The following ADGRL4 variants were observed in gnomAD, a reference collection of about 807,000 sequenced individuals.
ADGRL4 encodes EGF, latrophilin and seven transmembrane domain containing 1.
Under a neutral mutation model 74.8 loss-of-function variants are expected in ADGRL4, and 90 were observed. That is an observed-to-expected ratio of 1.20 (90% CI 1.02 to 1.43). The LOEUF is 1.43. ADGRL4 is among the 40% of genes most tolerant of loss of function. The pLI is 0.00. For missense variants in ADGRL4, 881 were observed against 814.3 expected (o/e 1.08, Z -1.00); for synonymous variants, 311 against 279.2 (o/e 1.11, Z -1.14).
Position 78,938,284 on chromosome 1 carries a change from G to A in ADGRL4, c.397-5C>T, listed in dbSNP as rs777324048. 19 of 1,552,344 alleles carry A rather than the reference G, an allele frequency of 1.2e-5. No homozygotes were observed. Among genetic ancestry groups the A allele is most frequent in the Non-Finnish European group, 1.6e-5 (18 of 1,157,482 alleles). On this transcript the variant is annotated splice_polypyrimidine_tract_variant and splice_region_variant and intron_variant, in intron 4 of 14. Coordinates refer to ENST00000370742, the MANE Select transcript of ADGRL4 (RefSeq NM_022159.4). ...AGGTTCTTTTATGGATCTGATCTGA[G>A]AAAAAATGAGTCCAGAAAAAGGAAA...
At chr1:78,959,347 A>C (rs1005400396) in intron 2 of ADGRL4, among the ~76,000 whole-genome samples, 5 of 152,208 alleles carry the variant, frequency 3.3e-5, no homozygotes, top group African/African-American at 9.6e-5. Flanking sequence ...CAAAATTGGC[A>C]AAGTATATTT....
intron 3 of ADGRL4, among the ~76,000 whole-genome samples, chr1:78,944,051 T>A (rs1231031332): frequency 6.6e-6 from 1 of 151,650 alleles, no homozygotes. Flanking sequence ...CCATAAAATG[T>A]TGCCATTCAG....
chr1:78,893,267 G>T (rs975834291), intron 12 of ADGRL4, 78 bp from the exon 13 acceptor site: 20 of 856,020 alleles, frequency 2.3e-5, no homozygotes, highest in African/African-American at 2.1e-4. Context: ...AAATGGTAAA[G>T]ATTTCAATAA....
At chr1:79,004,414 C>T (rs750017289) in intron 2 of ADGRL4, among the ~76,000 whole-genome samples, 5 of 151,958 alleles carry the variant, frequency 3.3e-5, no homozygotes, top group East Asian at 1.9e-4. Context: ...CACGAAATTA[C>T]GTAAATTTGA....
intron 12 of ADGRL4, among the ~76,000 whole-genome samples, chr1:78,913,760 C>G (rs928176919): frequency 1.6e-4 from 25 of 151,864 alleles, no homozygotes; most frequent in African/African-American, 5.8e-4. Context: ...TGCACATGTA[C>G]CCTTGAACTT....
intron 2 of ADGRL4, among the ~76,000 whole-genome samples, chr1:78,976,460 C>A (rs923771785): frequency 6.6e-6 from 1 of 151,730 alleles, no homozygotes; most frequent in African/African-American, 2.4e-5. Flanking sequence ...AAAAAATCCT[C>A]TATAAAGTCT....
At chr1:78,962,484 C>T (rs1159023489) in intron 2 of ADGRL4, among the ~76,000 whole-genome samples, 2 of 152,018 alleles carry the variant, frequency 1.3e-5, no homozygotes, top group Non-Finnish European at 2.9e-5. Context: ...TCTTTCTATC[C>T]ACACGATTTC....
chr1:78,952,518 G>A (rs1052706239), intron 2 of ADGRL4, among the ~76,000 whole-genome samples: 1 of 151,032 alleles, frequency 6.6e-6, no homozygotes, highest in African/African-American at 2.4e-5. Flanking sequence ...AAAAATACAG[G>A]TAAAGAGATA....
chr1:78,897,794 T>A (rs1328803795), intron 12 of ADGRL4, among the ~76,000 whole-genome samples: 1 of 152,202 alleles, frequency 6.6e-6, no homozygotes, highest in Non-Finnish European at 1.5e-5. Flanking sequence ...AAGAAAAATG[T>A]AAGTTTTCCC....
chr1:78,978,474 G>A (rs1283877441), intron 2 of ADGRL4, among the ~76,000 whole-genome samples: 1 of 151,880 alleles, frequency 6.6e-6, no homozygotes, highest in Non-Finnish European at 1.5e-5. Context: ...GTTTTCAATA[G>A]TCAATGTTTC....
intron 2 of ADGRL4, among the ~76,000 whole-genome samples, chr1:78,994,296 A>T (rs1194487683): frequency 6.6e-6 from 1 of 152,226 alleles, no homozygotes; most frequent in African/African-American, 2.4e-5. Flanking sequence ...CATCTGAAGT[A>T]ATCCCATTTC....
chr1:78,891,222 A>T lies in ADGRL4; in HGVS notation c.2011-6T>A. ...CTGTAATATTCTTCTTGAATCTAAA[A>T]ATTAAAAAAAGGAAAGGAAGAAATG... On this transcript the variant is annotated splice_region_variant and splice_polypyrimidine_tract_variant and intron_variant, in intron 14 of 14. Coordinates refer to ENST00000370742, the MANE Select transcript of ADGRL4 (RefSeq NM_022159.4). The T allele has an allele frequency of 6.3e-7, 1 of 1,595,034 alleles. No individual in the cohort carries two copies.
chr1:78,975,429 C>T (rs1216810006), intron 2 of ADGRL4, among the ~76,000 whole-genome samples: 1 of 152,034 alleles, frequency 6.6e-6, no homozygotes, highest in Non-Finnish European at 1.5e-5. Context: ...ATTAAGACCT[C>T]TTTGTCCCTT....
intron 1 of ADGRL4, among the ~76,000 whole-genome samples, chr1:79,006,128 C>G (rs1301597054): frequency 6.6e-6 from 1 of 152,204 alleles, no homozygotes; most frequent in East Asian, 1.9e-4. Flanking sequence ...TGAAAACAGT[C>G]ATCTAACATT....
intron 12 of ADGRL4, among the ~76,000 whole-genome samples, chr1:78,899,091 A>G (rs544419674): frequency 3.3e-5 from 5 of 152,184 alleles, no homozygotes; most frequent in African/African-American, 9.6e-5. Flanking sequence ...AAAAAAATGA[A>G]AAGATTTCTC....
intron 2 of ADGRL4, among the ~76,000 whole-genome samples, chr1:78,948,029 T>C (rs946063071): frequency 3.9e-5 from 6 of 152,204 alleles, no homozygotes; most frequent in African/African-American, 1.4e-4. Context: ...TTATTATCTT[T>C]AACTGATGAG....
At chr1:78,938,020 T>C (rs1649392374) in intron 5 of ADGRL4, 30 bp from the exon 6 acceptor site, 1 of 1,607,282 alleles carries the variant, frequency 6.2e-7, no homozygotes, top group South Asian at 1.1e-5. Flanking sequence ...CTTTTAGAAA[T>C]GTTGGAATCC....
intron 12 of ADGRL4, among the ~76,000 whole-genome samples, chr1:78,904,666 A>T (rs1648593355): frequency 6.6e-6 from 1 of 152,062 alleles, no homozygotes; most frequent in African/African-American, 2.4e-5. Flanking sequence ...CCTTCAAAAT[A>T]AATGGACTAA....
intron 12 of ADGRL4, among the ~76,000 whole-genome samples, chr1:78,895,218 C>T (rs1486656606): frequency 3.3e-5 from 5 of 151,916 alleles, no homozygotes; most frequent in Admixed American, 2.6e-4. Flanking sequence ...CCAAAAATCA[C>T]AAATATACTG....
Sources: gnomAD v4.1 joint callset for allele counts (sites outside exome capture counted in the v4.1 genomes callset) on GRCh38, gnomAD v4.1.1 for gene constraint, MANE v1.5 for transcripts, NCBI Gene and HGNC (gene_info 2026-07-23, HGNC 2026-07-21) for gene names.